The following NHSL2 variants were observed in gnomAD, a reference collection of about 807,000 sequenced individuals.
The protein encoded by NHSL2 is NHS like 2, also known as NHS-like protein 2.
A neutral mutation model predicts 53.4 loss-of-function variants in NHSL2; 27 were observed. The ratio of observed to expected loss-of-function variants is 0.51; its 90% confidence interval spans 0.37 to 0.70. The LOEUF (loss-of-function observed/expected upper bound fraction) is 0.70, where lower values mean the gene tolerates loss of function less well. Ranked by LOEUF, NHSL2 falls within the 30% of genes least tolerant of loss-of-function variation. The pLI, the probability that NHSL2 is intolerant of heterozygous loss-of-function variation, is 0.00. For synonymous variants in NHSL2, 408 were observed against 404.1 expected (o/e 1.01, Z -0.12); for missense variants, 892 against 980.1 (o/e 0.91, Z 1.20).
chrX:72,000,090 A>G (rs1283801589), intron 1 of NHSL2, among the ~76,000 whole-genome samples: 1 of 112,212 alleles, frequency 8.9e-6, no homozygotes, highest in East Asian at 2.8e-4. Flanking sequence ...ATGTATGTGT[A>G]TATTTATATA....
rs935023968 is a variant in NHSL2, at chrX:72,000,144, C to T, written c.280+88777C>T. Among the ~76,000 whole-genome samples the T allele has an allele frequency of 2.7e-5, 3 of 111,350 alleles. No homozygotes were observed. In the Admixed American group the frequency reaches 2.9e-4, roughly 11 times the overall value. On this transcript the variant is annotated intron_variant, in intron 1 of 7. Transcript: ENST00000633930. ...TTGAGAGCTGGTTGCTGAACACTTA[C>T]CAGAACACCACCGGTCCTACATATG...
intron 1 of NHSL2, among the ~76,000 whole-genome samples, chrX:72,094,284 A>G (rs148547295): frequency 0.012 from 1,307 of 111,762 alleles, 23 homozygotes; most frequent in African/African-American, 0.041. Context: ...AATGTTCATG[A>G]TGGCAAAGAA....
intron 1 of NHSL2, among the ~76,000 whole-genome samples, chrX:72,102,429 G>A (rs1039571344): frequency 1.3e-4 from 14 of 111,653 alleles, no homozygotes; most frequent in Non-Finnish European, 2.1e-4. Flanking sequence ...GCTATTTCCT[G>A]TATATATAAT....
At chrX:72,101,106 G>A (rs902789073) in intron 1 of NHSL2, among the ~76,000 whole-genome samples, 1 of 108,975 alleles carries the variant, frequency 9.2e-6, no homozygotes, top group African/African-American at 3.4e-5. Context: ...TACCACTGTG[G>A]TTGGGGAGGG....
intron 1 of NHSL2, among the ~76,000 whole-genome samples, chrX:72,058,380 C>T (rs185242168): frequency 1.8e-5 from 2 of 111,067 alleles, no homozygotes; most frequent in African/African-American, 6.6e-5. Flanking sequence ...GAGTCTCACT[C>T]TGTCACCAGG....
intron 1 of NHSL2, among the ~76,000 whole-genome samples, chrX:72,113,706 C>T (rs1325440579): frequency 1.8e-5 from 2 of 112,441 alleles, no homozygotes; most frequent in Admixed American, 9.4e-5. Context: ...AGGCTGGTTT[C>T]GTTTTCCTAC....
At chrX:71,994,326 G>GTGTGTA (rs895535217) in intron 1 of NHSL2, among the ~76,000 whole-genome samples, 1 of 107,681 alleles carries the variant, frequency 9.3e-6, no homozygotes, top group African/African-American at 3.4e-5. Flanking sequence ...GTGTGTGTGT[G>GTGTGTA]TGTAAAAGTT....
At chrX:71,975,591 T>C (rs1269507058) in intron 1 of NHSL2, among the ~76,000 whole-genome samples, 1 of 111,511 alleles carries the variant, frequency 9.0e-6, no homozygotes, top group Non-Finnish European at 1.9e-5. Flanking sequence ...CCCTGCCCCT[T>C]CCCCTGGCTG....
intron 1 of NHSL2, among the ~76,000 whole-genome samples, chrX:72,062,739 G>GGGGA (rs2042405881): frequency 8.9e-6 from 1 of 112,586 alleles, no homozygotes; most frequent in Admixed American, 9.3e-5. Flanking sequence ...CGATCCCAAG[G>GGGGA]GGGAGGTATG....
chrX:72,106,080 G>C (rs1051586022), intron 1 of NHSL2, among the ~76,000 whole-genome samples: 1 of 111,011 alleles, frequency 9.0e-6, no homozygotes, highest in Admixed American at 9.6e-5. Flanking sequence ...GAGGTGGCGG[G>C]TGCCTGTAGT....
At chrX:71,977,211 G>T (rs1332010903) in intron 1 of NHSL2, among the ~76,000 whole-genome samples, 1 of 111,643 alleles carries the variant, frequency 9.0e-6, no homozygotes, top group Non-Finnish European at 1.9e-5. Flanking sequence ...TTAAATCTGT[G>T]TAACCTTGGA....
chrX:71,952,646 A>G (rs1033699134), intron 1 of NHSL2, among the ~76,000 whole-genome samples: 2 of 110,470 alleles, frequency 1.8e-5, no homozygotes, highest in Non-Finnish European at 3.8e-5. Context: ...TGACCTAATC[A>G]TCTCCTAAAG....
intron 1 of NHSL2, among the ~76,000 whole-genome samples, chrX:71,963,212 T>C (rs2041876138): frequency 1.8e-5 from 2 of 111,086 alleles, no homozygotes; most frequent in African/African-American, 6.5e-5. Flanking sequence ...TTGAAAGTGG[T>C]AAATTAATCT....
intron 1 of NHSL2, among the ~76,000 whole-genome samples, chrX:72,101,434 G>A (rs770106084): frequency 1.7e-4 from 19 of 110,525 alleles, no homozygotes; most frequent in Non-Finnish European, 3.4e-4. Context: ...CTCCACAGCA[G>A]GCTTGGGTGC....
At chrX:72,035,546 AC>A (rs1401066906) in intron 1 of NHSL2, among the ~76,000 whole-genome samples, 1 of 110,136 alleles carries the variant, frequency 9.1e-6, no homozygotes, top group East Asian at 2.8e-4. Context: ...ATTTTTTGAC[AC>A]GGAGTTTCGC....
chrX:71,928,339 C>A (rs1356259853), intron 1 of NHSL2, among the ~76,000 whole-genome samples: 1 of 111,967 alleles, frequency 8.9e-6, no homozygotes, highest in African/African-American at 3.2e-5. Flanking sequence ...CCCTGGAAAT[C>A]CTGAAAAGGG....
chrX:71,944,605 G>A lies in NHSL2; in HGVS notation c.280+33238G>A, dbSNP rs5991868. Among the ~76,000 whole-genome samples the A allele has an allele frequency of 2.7e-3, 305 of 111,937 alleles. 2 individuals are homozygous for A. Among genetic ancestry groups the A allele is most frequent in the African/African-American group, 9.5e-3 (293 of 30,798 alleles). ...GTGCTGTCCCATTTAGTTACTGCTA[G>A]GTGAGTAGCTTCTGCCTGTGGCTCT... is the stretch of plus-strand genomic sequence containing the variant. On this transcript the variant is annotated intron_variant, in intron 1 of 7. Coordinates refer to ENST00000633930, the MANE Select transcript of NHSL2 (RefSeq NM_001013627.3).
At chrX:72,084,376 T>G in intron 1 of NHSL2, among the ~76,000 whole-genome samples, 1 of 112,069 alleles carries the variant, frequency 8.9e-6, no homozygotes, top group Middle Eastern at 4.6e-3. Context: ...GGAAGTTTAT[T>G]GGGGTACTGC....
intron 1 of NHSL2, among the ~76,000 whole-genome samples, chrX:72,107,318 A>T (rs1428249098): frequency 1.8e-5 from 2 of 111,809 alleles, no homozygotes; most frequent in Admixed American, 1.9e-4. Flanking sequence ...AAATAATGTA[A>T]GTTAGTTCCC....
Sources: allele counts gnomAD v4.1 joint callset (sites outside exome capture counted in the v4.1 genomes callset), GRCh38; gene constraint gnomAD v4.1.1; transcripts MANE v1.5; gene names NCBI Gene and HGNC (gene_info 2026-07-23, HGNC 2026-07-21).